Variants in TGFBR3 observed in about 807,000 individuals in gnomAD.
TGFBR3 encodes the protein transforming growth factor beta receptor 3, also known as transforming growth factor beta receptor type 3.
In TGFBR3, 46 loss-of-function variants were observed where a neutral mutation model predicts 87.9. The observed-to-expected ratio is 0.52, with a 90% CI of 0.41 to 0.67. TGFBR3 has a LOEUF of 0.67. Ranked by LOEUF, TGFBR3 falls within the 30% of genes least tolerant of loss-of-function variation. TGFBR3 has a pLI of 0.00. For missense variants in TGFBR3, 866 were observed against 1,041.9 expected, an observed-to-expected ratio of 0.83 and a Z score of 2.32; for synonymous variants, 381 against 391.6, an observed-to-expected ratio of 0.97 and a Z score of 0.32.
intron 3 of TGFBR3, among the ~76,000 whole-genome samples, chr1:91,784,239 A>T (rs2100973472): frequency 6.6e-6 from 1 of 152,364 alleles, no homozygotes; most frequent in East Asian, 1.9e-4. Context: ...ACACCTGCTT[A>T]GCTCCAATGT....
chr1:91,717,874 C>CTTTT (rs56325630), intron 10 of TGFBR3, among the ~76,000 whole-genome samples: 7 of 146,252 alleles, frequency 4.8e-5, no homozygotes, highest in Non-Finnish European at 6.0e-5. Flanking sequence ...AAGCAACTGA[C>CTTTT]TTTTTTTTTT....
intron 15 of TGFBR3, 84 bp downstream of exon 15, chr1:91,698,005 A>G (rs1671489783): frequency 7.6e-6 from 10 of 1,323,266 alleles, no homozygotes; most frequent in Non-Finnish European, 8.7e-6. Context: ...ATCAAAACTC[A>G]AAGTTTGGCA....
At chr1:91,837,633 T>G (rs1204671593) in intron 2 of TGFBR3, among the ~76,000 whole-genome samples, 2 of 152,226 alleles carry the variant, frequency 1.3e-5, no homozygotes, top group East Asian at 1.9e-4. Flanking sequence ...TTAAATGATT[T>G]ATGTAAATAC....
chr1:91,786,001 C>T (rs891513072), intron 3 of TGFBR3, among the ~76,000 whole-genome samples: 8 of 151,926 alleles, frequency 5.3e-5, no homozygotes, highest in Non-Finnish European at 1.0e-4. Context: ...TAAGCTCAAG[C>T]GATCTGCCCG....
intron 2 of TGFBR3, among the ~76,000 whole-genome samples, chr1:91,820,982 C>T (rs1380869661): frequency 2.0e-5 from 3 of 152,132 alleles, no homozygotes; most frequent in East Asian, 1.9e-4. Context: ...TCTGACTTTG[C>T]TCTCCATCCT....
At chr1:91,855,464 T>C (rs1677904572) in intron 2 of TGFBR3, among the ~76,000 whole-genome samples, 2 of 152,242 alleles carry the variant, frequency 1.3e-5, no homozygotes, top group African/African-American at 4.8e-5. Flanking sequence ...CCTGGAAACA[T>C]AGCCCTGCCT....
chr1:91,769,302 T>C (rs1674292720), intron 3 of TGFBR3, among the ~76,000 whole-genome samples: 1 of 152,198 alleles, frequency 6.6e-6, no homozygotes, highest in Non-Finnish European at 1.5e-5. Context: ...AGGAAGCTCT[T>C]GTCTATACCA....
At chr1:91,839,695 TCAAG>T (rs1677196794) in intron 2 of TGFBR3, among the ~76,000 whole-genome samples, 2 of 152,116 alleles carry the variant, frequency 1.3e-5, no homozygotes, top group African/African-American at 4.8e-5. Flanking sequence ...TCCCAAAGCG[TCAAG>T]GTCATTGAAA....
chr1:91,807,233 G>A (rs957554192), intron 2 of TGFBR3, among the ~76,000 whole-genome samples: 1 of 152,186 alleles, frequency 6.6e-6, no homozygotes, highest in Admixed American at 6.5e-5. Flanking sequence ...ATAAAACCTG[G>A]CTTCAGGCTG....
At chr1:91,849,158 C>A (rs986959449) in intron 2 of TGFBR3, among the ~76,000 whole-genome samples, 1 of 152,148 alleles carries the variant, frequency 6.6e-6, no homozygotes, top group African/African-American at 2.4e-5. Flanking sequence ...TCTCCAAATC[C>A]ACCTTTGCCC....
At position 91,865,307 on chromosome 1, in the gene TGFBR3, T is replaced by TA. The variant is rs554953411; in HGVS notation, c.-113-3664dup. ...CTTTCTTAATAAACTTGCTTTCACT[T>TA]AAAAAAAAAAAAAAAGTAGAAATAC... is the stretch of plus-strand genomic sequence containing the variant. On this transcript the variant is annotated intron_variant, in intron 1 of 16. Coordinates refer to ENST00000212355, the MANE Select transcript of TGFBR3 (RefSeq NM_003243.5). 5.5e-3 allele frequency among the ~76,000 whole-genome samples: 771 copies of TA among 139,906 alleles called. 4 individuals carry two copies. The highest frequency in any genetic ancestry group is 0.012 in the African/African-American group (444 of 38,152). The allele number at this position is 139,906 out of a possible 152,430, so 91.8% of individuals were successfully genotyped here.
chr1:91,834,149 CT>C (rs1214066230), intron 2 of TGFBR3, among the ~76,000 whole-genome samples: 3 of 152,078 alleles, frequency 2.0e-5, no homozygotes, highest in African/African-American at 7.2e-5. Context: ...CAAACTTGTT[CT>C]TTTAACACTC....
intron 1 of TGFBR3, among the ~76,000 whole-genome samples, chr1:91,901,463 G>C (rs952393901): frequency 6.6e-6 from 1 of 152,188 alleles, no homozygotes; most frequent in African/African-American, 2.4e-5. Flanking sequence ...TGATTAAGCT[G>C]ACAAGGATTT....
At chr1:91,884,591 G>T (rs1441575867) in intron 1 of TGFBR3, among the ~76,000 whole-genome samples, 1 of 152,210 alleles carries the variant, frequency 6.6e-6, no homozygotes, top group Non-Finnish European at 1.5e-5. Context: ...AGGAAGGAAG[G>T]TAGCTTTGGA....
At chr1:91,696,130 A>G (rs1199711121) in intron 15 of TGFBR3, among the ~76,000 whole-genome samples, 1 of 152,198 alleles carries the variant, frequency 6.6e-6, no homozygotes, top group African/African-American at 2.4e-5. Flanking sequence ...TCACAGGTTA[A>G]GATGCTTTGG....
In TGFBR3 at chr1:91,886,083, C is replaced by T; in HGVS notation, c.-319G>A. Reference sequence around the variant, plus strand: ...AGGGAAAGTGGCCGGGGCGCGAGAGCCGCCGACTGCCCTCCTTCACTCGCT... The same window carrying T: ...AGGGAAAGTGGCCGGGGCGCGAGAGTCGCCGACTGCCCTCCTTCACTCGCT... On this transcript the variant is annotated 5_prime_UTR_variant, in exon 1 of 17. Coordinates refer to ENST00000212355, the MANE Select transcript of TGFBR3 (RefSeq NM_003243.5). The T allele has an allele frequency of 4.4e-6, 2 of 454,100 alleles. No homozygotes were observed. The highest frequency in any genetic ancestry group is 8.8e-6 in the Non-Finnish European group (2 of 226,778). 28.1% of individuals were successfully genotyped at this position (454,100 alleles called of 1,614,324 possible). A position where few individuals can be genotyped will look rare whatever the true frequency, so the allele number is the denominator to read the frequency against.
At position 91,839,070 on chromosome 1, in the gene TGFBR3, C is replaced by T. The variant is rs568256048; in HGVS notation, c.61+22401G>A. Among the ~76,000 whole-genome samples, 11 of 152,104 alleles carry T rather than the reference C, an allele frequency of 7.2e-5. No individual in the cohort carries two copies. The East Asian group carries it at 1.2e-3, about 16-fold the overall frequency. Reference sequence around the variant, plus strand: ...ATGGCTCACTGCAGTCCTGACCTTCCGGGCTCAAGAGATCCTCTCACCTCA... The same window carrying T: ...ATGGCTCACTGCAGTCCTGACCTTCTGGGCTCAAGAGATCCTCTCACCTCA... On this transcript the variant is annotated intron_variant, in intron 2 of 16. Coordinates refer to ENST00000212355, the MANE Select transcript of TGFBR3 (RefSeq NM_003243.5).
chr1:91,791,896 A>G (rs1297855241), intron 3 of TGFBR3, among the ~76,000 whole-genome samples: 1 of 152,168 alleles, frequency 6.6e-6, no homozygotes, highest in African/African-American at 2.4e-5. Flanking sequence ...CTTCACCACT[A>G]CGGCTGCTAG....
rs563113738 is a variant in TGFBR3 at position 91,786,011 on chromosome 1, G to A, written c.246+11276C>T. ...ACTCCTAAGCTCAAGCGATCTGCCC[G>A]CCTCAGCCTCCCAAAGTGCTGAGAT... On this transcript the variant is annotated intron_variant, in intron 3 of 16. Coordinates refer to ENST00000212355, the MANE Select transcript of TGFBR3 (RefSeq NM_003243.5). Among the ~76,000 whole-genome samples the A allele has an allele frequency of 5.9e-5, 9 of 152,122 alleles. No homozygotes were observed. In the East Asian group the frequency reaches 7.7e-4, roughly 13 times the overall value.
Sources: gnomAD v4.1 joint callset for allele counts (sites outside exome capture counted in the v4.1 genomes callset) on GRCh38, gnomAD v4.1.1 for gene constraint, MANE v1.5 for transcripts, NCBI Gene and HGNC (gene_info 2026-07-23, HGNC 2026-07-21) for gene names.